GRID1: variants seen among roughly 807,000 people sequenced by gnomAD.
GRID1 encodes glutamate receptor ionotropic, delta-1.
Under a neutral mutation model 98.0 loss-of-function variants are expected in GRID1, and 28 were observed. That is an observed-to-expected ratio of 0.29 (90% CI 0.21 to 0.39). The LOEUF is 0.39. Ranked by LOEUF, GRID1 falls within the 10% of genes least tolerant of loss-of-function variation. The probability of loss-of-function intolerance (pLI) is 1.00; values close to 1 mark genes in which losing one functional copy is unlikely to be tolerated. For missense variants in GRID1, 1,111 were observed against 1,340.5 expected (o/e 0.83, Z 2.67); for synonymous variants, 553 against 538.5 (o/e 1.03, Z -0.37).
At chr10:86,173,131 G>C (rs969616581) in intron 3 of GRID1, among the ~76,000 whole-genome samples, 2 of 152,306 alleles carry the variant, frequency 1.3e-5, no homozygotes, top group Admixed American at 6.5e-5. Flanking sequence ...TTGATCTCCT[G>C]GACTCAAGCA....
intron 3 of GRID1, among the ~76,000 whole-genome samples, chr10:86,156,478 T>A (rs1029509022): frequency 6.6e-6 from 1 of 152,164 alleles, no homozygotes; most frequent in African/African-American, 2.4e-5. Flanking sequence ...AGAGCTGCCA[T>A]GTTTCTTGTC....
chr10:85,752,919 A>G (rs567205302), intron 8 of GRID1, among the ~76,000 whole-genome samples: 1 of 152,344 alleles, frequency 6.6e-6, no homozygotes, highest in South Asian at 2.1e-4. Flanking sequence ...TATAAATTAT[A>G]ATACATTACA....
intron 13 of GRID1, among the ~76,000 whole-genome samples, chr10:85,631,062 T>C (rs1234186120): frequency 1.3e-5 from 2 of 152,230 alleles, no homozygotes; most frequent in Non-Finnish European, 2.9e-5. Context: ...TACTTTATGC[T>C]TTACCAGCTA....
intron 12 of GRID1, among the ~76,000 whole-genome samples, chr10:85,661,688 C>G (rs375691964): frequency 6.6e-6 from 1 of 152,226 alleles, no homozygotes; most frequent in Admixed American, 6.5e-5. Flanking sequence ...TTCAAAGGCA[C>G]TAGCTCAGGT....
chr10:86,215,981 A>G (rs1846172228), intron 2 of GRID1, among the ~76,000 whole-genome samples: 2 of 152,212 alleles, frequency 1.3e-5, no homozygotes, highest in South Asian at 4.1e-4. Context: ...ACATGTAGAC[A>G]TGCCCATTCT....
chr10:86,278,946 A>G (rs1225420158), intron 2 of GRID1, among the ~76,000 whole-genome samples: 2 of 152,192 alleles, frequency 1.3e-5, no homozygotes, highest in Non-Finnish European at 2.9e-5. Context: ...CACCATAACA[A>G]AACCAAAGAC....
chr10:85,982,121 T>C (rs1159688897), intron 4 of GRID1, among the ~76,000 whole-genome samples: 2 of 151,704 alleles, frequency 1.3e-5, no homozygotes, highest in African/African-American at 2.4e-5. Context: ...GGGAATGAAG[T>C]TGGAGACCAG....
At chr10:85,640,400 C>T (rs1350100213) in intron 13 of GRID1, among the ~76,000 whole-genome samples, 2 of 152,176 alleles carry the variant, frequency 1.3e-5, no homozygotes, top group Non-Finnish European at 2.9e-5. Context: ...AGTATTTTTG[C>T]TTTGCACTAC....
chr10:85,832,988 C>T (rs1282912158), intron 8 of GRID1, among the ~76,000 whole-genome samples: 1 of 152,138 alleles, frequency 6.6e-6, no homozygotes, highest in African/African-American at 2.4e-5. Flanking sequence ...GCAAGGAGAT[C>T]TCATCATTAT....
At chr10:85,995,933 T>C (rs55775836) in intron 4 of GRID1, among the ~76,000 whole-genome samples, 29,007 of 152,134 alleles carry the variant, frequency 0.19, 3,237 homozygotes, top group African/African-American at 0.3. Context: ...ATATAAAAGC[T>C]GTGAATAAAA....
intron 4 of GRID1, among the ~76,000 whole-genome samples, chr10:86,076,788 GC>G (rs1249626608): frequency 1.5e-5 from 2 of 137,002 alleles, no homozygotes; most frequent in Non-Finnish European, 1.6e-5. Flanking sequence ...ATTTGTCCCT[GC>G]CTTTGTACTA....
At chr10:86,356,000 C>T (rs1284569788) in intron 2 of GRID1, among the ~76,000 whole-genome samples, 1 of 152,242 alleles carries the variant, frequency 6.6e-6, no homozygotes, top group African/African-American at 2.4e-5. Flanking sequence ...GTCATGGGTG[C>T]TGGTCCTGTC....
chr10:86,184,433 C>A (rs577680839), intron 3 of GRID1, among the ~76,000 whole-genome samples: 4 of 146,688 alleles, frequency 2.7e-5, no homozygotes, highest in South Asian at 4.3e-4. Flanking sequence ...TACATACAGG[C>A]AAGGTGATTG....
At chr10:86,361,495 C>G (rs1848600218) in intron 2 of GRID1, among the ~76,000 whole-genome samples, 1 of 152,196 alleles carries the variant, frequency 6.6e-6, no homozygotes, top group African/African-American at 2.4e-5. Context: ...CTCACTCTCA[C>G]ACCCCACAGA....
chr10:86,210,604 C>G (rs1846094265), intron 2 of GRID1, among the ~76,000 whole-genome samples: 1 of 152,190 alleles, frequency 6.6e-6, no homozygotes, highest in Admixed American at 6.5e-5. Context: ...TCGCCCTCCC[C>G]GTGGAGGTGA....
At position 85,619,567 on chromosome 10, in the gene GRID1, C is replaced by T. The variant is rs1398200279; in HGVS notation, c.2360+300G>A. On this transcript the variant is annotated intron_variant, in intron 14 of 15. Transcript: ENST00000327946. ...CCTGGGTCTGGTGAGATGCCGTTTT[C>T]TCCCTGCCTCTACCCTAGCATCCTG... 2.6e-5 allele frequency among the ~76,000 whole-genome samples: 4 copies of T among 152,268 alleles called. 1 individual carries two copies. The East Asian group carries it at 7.8e-4, about 30-fold the overall frequency.
intron 3 of GRID1, among the ~76,000 whole-genome samples, chr10:86,148,749 A>T (rs1418681707): frequency 6.6e-6 from 1 of 152,212 alleles, no homozygotes; most frequent in Non-Finnish European, 1.5e-5. Flanking sequence ...TTGTCAAAAA[A>T]AAAGGAAAAC....
At chr10:86,269,020 G>A (rs1266479689) in intron 2 of GRID1, among the ~76,000 whole-genome samples, 1 of 152,126 alleles carries the variant, frequency 6.6e-6, no homozygotes, top group Non-Finnish European at 1.5e-5. Context: ...ATTGGGGTTT[G>A]GAAAGCAGAC....
chr10:86,135,508 A>T (rs1429577555), intron 4 of GRID1, among the ~76,000 whole-genome samples: 1 of 151,852 alleles, frequency 6.6e-6, no homozygotes, highest in Non-Finnish European at 1.5e-5. Context: ...CCTTTTTAAG[A>T]TGATGCAGTG....
Sources: gnomAD v4.1 joint callset for allele counts (sites outside exome capture counted in the v4.1 genomes callset) on GRCh38, gnomAD v4.1.1 for gene constraint, MANE v1.5 for transcripts, NCBI Gene and HGNC (gene_info 2026-07-23, HGNC 2026-07-21) for gene names.